EDRF1: variants seen among roughly 807,000 people sequenced by gnomAD.
The protein encoded by EDRF1 is erythroid differentiation regulatory factor 1, also known as erythroid differentiation-related factor 1.
A neutral mutation model predicts 148.7 loss-of-function variants in EDRF1; 69 were observed. That is an observed-to-expected ratio of 0.46 (90% CI 0.38 to 0.57). The LOEUF (loss-of-function observed/expected upper bound fraction) is 0.57, where lower values mean the gene tolerates loss of function less well. EDRF1 is among the 20% of genes least tolerant of loss of function. The pLI is 0.00. For missense variants in EDRF1, 1,118 were observed against 1,478.7 expected (o/e 0.76, Z 4.00); for synonymous variants, 515 against 532.8 (o/e 0.97, Z 0.46).
At chr10:125,745,423 C>A in intron 18 of EDRF1, 1 of 446,346 alleles carries the variant, frequency 2.2e-6, no homozygotes, top group South Asian at 2.3e-5. Flanking sequence ...GGATCCCACC[C>A]TTACAATCTC....
At chr10:125,731,068 G>A (rs963674778) in intron 9 of EDRF1, among the ~76,000 whole-genome samples, 4 of 152,090 alleles carry the variant, frequency 2.6e-5, no homozygotes, top group African/African-American at 7.2e-5. Context: ...GATCACTTGA[G>A]CCCAGGAGTT....
chr10:125,743,356 C>CTG lies in EDRF1; in HGVS notation c.2590+83_2590+84dup, dbSNP rs1328682669. 2.6e-6 allele frequency: 3 copies of CTG among 1,173,868 alleles called. No individual in the cohort carries two copies. The African/African-American group carries it at 4.6e-5, about 18-fold the overall frequency. 72.7% of individuals were successfully genotyped at this position (1,173,868 alleles called of 1,614,324 possible). A position where few individuals can be genotyped will look rare whatever the true frequency, so the allele number is the denominator to read the frequency against. ...AATTTTGTATGAGTCAAGCAAAGAA[C>CTG]TGTGGCACTTGATTTTATATCATAA... On this transcript the variant is annotated intron_variant, in intron 18 of 24. Transcript: ENST00000356792.
chr10:125,761,449 G>A (rs1004071678), intron 24 of EDRF1: 15 of 184,382 alleles, frequency 8.1e-5, no homozygotes, highest in African/African-American at 3.3e-4. Context: ...ATAAAAAGTA[G>A]AAGTAATCTC....
chr10:125,730,396 A>G lies in EDRF1; in HGVS notation c.1125A>G (p.Val375=), dbSNP rs1848434333. The change falls in exon 9 of 25, where the codon GTA becomes GTG. Residue 375 remains valine, a synonymous_variant. Coordinates refer to ENST00000356792, the MANE Select transcript of EDRF1 (RefSeq NM_001202438.2). ...LVMCFHVNGI[V]QKYEMIKTEE... is the part of the protein sequence containing the mutation. The stretch of plus-strand genomic sequence containing the variant: ...TGTGTTTTCATGTAAATGGAATTGT[A>G]CAGGTAAGATACAGTGTGATTTTTC... The G allele has an allele frequency of 6.2e-6, 10 of 1,610,772 alleles. No individual in the cohort carries two copies. The highest frequency in any genetic ancestry group is 8.5e-6 in the Non-Finnish European group (10 of 1,177,048).
chr10:125,725,605 G>A, intron 5 of EDRF1, 77 bp from the exon 6 acceptor site: 1 of 1,593,958 alleles, frequency 6.3e-7, no homozygotes, highest in Non-Finnish European at 8.6e-7. Flanking sequence ...ACAGATTGTA[G>A]TTTTTATAAA....
intron 4 of EDRF1, among the ~76,000 whole-genome samples, chr10:125,724,721 C>T (rs959761284): frequency 6.6e-6 from 1 of 152,162 alleles, no homozygotes; most frequent in Non-Finnish European, 1.5e-5. Flanking sequence ...AGAATGGATA[C>T]TTTTGAAAAA....
At chr10:125,759,538 G>A (rs760623289) in intron 24 of EDRF1, among the ~76,000 whole-genome samples, 17 of 152,126 alleles carry the variant, frequency 1.1e-4, no homozygotes, top group Non-Finnish European at 1.8e-4. Flanking sequence ...TGAGGCAGGA[G>A]AATTACATGA....
chr10:125,752,738 A>G (rs184824634), intron 22 of EDRF1, 61 bp from the exon 23 acceptor site: 30 of 1,116,596 alleles, frequency 2.7e-5, no homozygotes, highest in Non-Finnish European at 3.8e-5. Context: ...TAATACATTA[A>G]CATTAGATGG....
At chr10:125,761,789 G>A (rs1199535584) in intron 24 of EDRF1, among the ~76,000 whole-genome samples, 1 of 152,142 alleles carries the variant, frequency 6.6e-6, no homozygotes, top group Non-Finnish European at 1.5e-5. Flanking sequence ...ATTATCTTTA[G>A]GCACCCAACT....
At chr10:125,747,304 T>A (rs970920240) in intron 19 of EDRF1, 2 of 554,318 alleles carry the variant, frequency 3.6e-6, no homozygotes, top group African/African-American at 1.9e-5. Flanking sequence ...GATTGGCTTC[T>A]TGTAGCCTTG....
At chr10:125,736,002 C>A in intron 13 of EDRF1, 98 bp downstream of exon 13, 1 of 1,144,298 alleles carries the variant, frequency 8.7e-7, no homozygotes, top group Non-Finnish European at 1.3e-6. Context: ...TTCAATAAAC[C>A]TTTCATGGTC....
In EDRF1 at chr10:125,741,108, A is replaced by G; in HGVS notation, c.2278A>G (p.Asn760Asp). 6.2e-7 allele frequency: 1 copy of G among 1,614,138 alleles called. No individual in the cohort carries two copies. Among genetic ancestry groups the G allele is most frequent in the Non-Finnish European group, 8.5e-7 (1 of 1,180,018 alleles). ...CCAACTAATGCTGGCCCAGAATGCA[A>G]ATAATAGAGCAGCACACCTTGAAGA... ...DIQLMLAQNA[N>D]NRAAHLEEFH... The change falls in exon 17 of 25, where the codon AAT (asparagine) becomes GAT (aspartate). Residue 760 changes from asparagine to aspartate, a missense_variant. By Grantham distance (23) the Asn-to-Asp change is conservative (BLOSUM62 1). Coordinates refer to ENST00000356792, the MANE Select transcript of EDRF1 (RefSeq NM_001202438.2).
chr10:125,762,088 G>T (rs1850218270), intron 24 of EDRF1, among the ~76,000 whole-genome samples: 1 of 152,134 alleles, frequency 6.6e-6, no homozygotes, highest in African/African-American at 2.4e-5. Context: ...GGAATTGGAG[G>T]GGAGAAATGT....
intron 16 of EDRF1, 29 bp downstream of exon 16, chr10:125,740,680 T>C (rs1848973761): frequency 3.1e-6 from 5 of 1,602,706 alleles, no homozygotes; most frequent in Non-Finnish European, 4.3e-6. Context: ...ATATGTTTAA[T>C]AGGCACTGGG....
chr10:125,757,407 T>C (rs1849958309), intron 24 of EDRF1, among the ~76,000 whole-genome samples: 1 of 152,240 alleles, frequency 6.6e-6, no homozygotes, highest in Non-Finnish European at 1.5e-5. Context: ...TTTTGTACTG[T>C]TATTATACGT....
At position 125,743,185 on chromosome 10, in the gene EDRF1, T is replaced by G. The variant is rs753725559; in HGVS notation, c.2499T>G (p.Tyr833Ter). Residue 833 changes from tyrosine (Y) to a stop codon, truncating the protein, a stop_gained, in exon 18 of 25, where the codon TAT becomes TAG. Coordinates refer to ENST00000356792, the MANE Select transcript of EDRF1 (RefSeq NM_001202438.2). LOFTEE classifies it high-confidence loss of function. Reference protein sequence around the residue: ...SDLKSQNPEHYVQVLKRMGNI... With the variant: ...SDLKSQNPEH ...TGAAAAGCCAAAATCCAGAACACTATGTACAAGTATTAAAGAGAATGGGTA... is the reference window on the plus strand; with the variant it reads ...TGAAAAGCCAAAATCCAGAACACTAGGTACAAGTATTAAAGAGAATGGGTA... 6.2e-7 allele frequency: 1 copy of G among 1,613,890 alleles called. No individual in the cohort carries two copies. Among genetic ancestry groups the G allele is most frequent in the Admixed American group, 1.7e-5 (1 of 60,022 alleles).
chr10:125,754,554 CAGAAGCAGGAG>C (rs761146016), intron 24 of EDRF1, among the ~76,000 whole-genome samples: 17 of 152,320 alleles, frequency 1.1e-4, no homozygotes, highest in East Asian at 9.6e-4. Flanking sequence ...GGACAGAACA[CAGAAGCAGGAG>C]AGAAGCAGGA....
intron 24 of EDRF1, among the ~76,000 whole-genome samples, chr10:125,757,657 G>A (rs1366008894): frequency 6.6e-6 from 1 of 152,220 alleles, no homozygotes; most frequent in East Asian, 1.9e-4. Context: ...AATTGAGAGA[G>A]TTTTTATTCT....
At chr10:125,744,076 A>C (rs1206722624) in intron 18 of EDRF1, among the ~76,000 whole-genome samples, 1 of 152,212 alleles carries the variant, frequency 6.6e-6, no homozygotes, top group African/African-American at 2.4e-5. Flanking sequence ...AACCATTCAC[A>C]TAAAGGTAAT....
Sources: allele counts gnomAD v4.1 joint callset (sites outside exome capture counted in the v4.1 genomes callset), GRCh38; gene constraint gnomAD v4.1.1; transcripts MANE v1.5; gene names NCBI Gene and HGNC (gene_info 2026-07-23, HGNC 2026-07-21).